The following FAM110A variants were observed in gnomAD, a reference collection of about 807,000 sequenced individuals.
FAM110A encodes the protein protein FAM110A.
A neutral mutation model predicts 4.0 loss-of-function variants in FAM110A; 1 was observed. That is an observed-to-expected ratio of 0.25 (90% CI 0.09 to 1.20). The LOEUF (loss-of-function observed/expected upper bound fraction) is 1.20, where lower values mean the gene tolerates loss of function less well. FAM110A is among the 50% of genes most tolerant of loss of function. The pLI, the probability that FAM110A is intolerant of heterozygous loss-of-function variation, is 0.50. For missense variants in FAM110A, 436 were observed against 429.2 expected (o/e 1.02, Z -0.14); for synonymous variants, 217 against 196.8 (o/e 1.10, Z -0.86).
chr20:836,643 T>C (rs1488735046), intron 1 of FAM110A, among the ~76,000 whole-genome samples: 1 of 152,238 alleles, frequency 6.6e-6, no homozygotes, highest in East Asian at 1.9e-4. Context: ...TTTTGGCTGT[T>C]GTGACTAATG....
At position 834,703 on chromosome 20, in the gene FAM110A, G is replaced by A. The variant is rs1004018820; in HGVS notation, c.-98+752G>A. 6.6e-5 allele frequency among the ~76,000 whole-genome samples: 10 copies of A among 152,164 alleles called. No homozygotes were observed. Among genetic ancestry groups the A allele is most frequent in the African/African-American group, 2.4e-4 (10 of 41,440 alleles). On this transcript the variant is annotated intron_variant, in intron 1 of 1. Coordinates refer to ENST00000381941, the MANE Select transcript of FAM110A (RefSeq NM_001042353.3). The surrounding 1 kb of genome is among the most constrained non-coding windows in gnomAD (Gnocchi z 5.6). ...GTTCTAAGAAGTTAAGCCCCTTTTCGAAGTCACAGTCAGACAATGCAGTGG... is the reference window on the plus strand; with the variant it reads ...GTTCTAAGAAGTTAAGCCCCTTTTCAAAGTCACAGTCAGACAATGCAGTGG...
intron 1 of FAM110A, among the ~76,000 whole-genome samples, chr20:843,282 A>G (rs1167653764): frequency 6.6e-6 from 1 of 151,972 alleles, no homozygotes; most frequent in African/African-American, 2.4e-5. Flanking sequence ...CACCCAGCAG[A>G]GATCCCTGCC....
In FAM110A at chr20:834,813, G is replaced by A. The variant is rs1408924749; in HGVS notation, c.-98+862G>A. ...TTGAGAGTCTTCAATCTCTTCATAA[G>A]GGAGTTACATATCCTCTCTCCTCTG... On this transcript the variant is annotated intron_variant, in intron 1 of 1. Coordinates refer to ENST00000381941, the MANE Select transcript of FAM110A (RefSeq NM_001042353.3). The surrounding 1 kb of genome is among the most constrained non-coding windows in gnomAD (Gnocchi z 5.6). Among the ~76,000 whole-genome samples, 1 of 152,194 alleles carries A rather than the reference G, an allele frequency of 6.6e-6. No homozygotes were observed. Among genetic ancestry groups the A allele is most frequent in the East Asian group, 1.9e-4 (1 of 5,192 alleles).
In FAM110A at chr20:844,731, A is replaced by C; in HGVS notation, c.-74A>C. ...AGCAGTGGCCGGTGTCCAGCTGCCT[A>C]CTTTCTGCCCGGATCTCTGGCTCCT... On this transcript the variant is annotated 5_prime_UTR_variant, in exon 2 of 2. Coordinates refer to ENST00000381941, the MANE Select transcript of FAM110A (RefSeq NM_001042353.3). 3 of 1,324,118 alleles carry C rather than the reference A, an allele frequency of 2.3e-6. No individual in the cohort carries two copies. The highest frequency in any genetic ancestry group is 1.6e-5 in the African/African-American group (1 of 60,922). The allele number at this position is 1,324,118 out of a possible 1,614,324, so 82.0% of individuals were successfully genotyped here. A position where few individuals can be genotyped will look rare whatever the true frequency, so the allele number is the denominator to read the frequency against.
chr20:845,747 C>T lies in FAM110A; in HGVS notation c.*55C>T. The T allele has an allele frequency of 6.8e-6, 11 of 1,605,874 alleles. No homozygotes were observed. The highest frequency in any genetic ancestry group is 8.5e-6 in the Non-Finnish European group (10 of 1,176,442). On this transcript the variant is annotated 3_prime_UTR_variant, in exon 2 of 2. Coordinates refer to ENST00000381941, the MANE Select transcript of FAM110A (RefSeq NM_001042353.3). ...ACGGATCTTACAGAGGCAAGTGGTC[C>T]CTGGACCTCTCTTGCATCCATTCTC...
rs1600016665 is a variant in FAM110A, at chr20:844,688, TTCTC to T, written c.-97-15_-97-12del. The T allele has an allele frequency of 4.6e-6, 6 of 1,291,700 alleles. No individual in the cohort carries two copies. In the South Asian group the frequency reaches 1.2e-4, roughly 27 times the overall value. 80.0% of individuals were successfully genotyped at this position (1,291,700 alleles called of 1,614,324 possible). On this transcript the variant is annotated splice_polypyrimidine_tract_variant and intron_variant, in intron 1 of 1. Coordinates refer to ENST00000381941, the MANE Select transcript of FAM110A (RefSeq NM_001042353.3). ...GAGCGCGCTCGGCTTTTTTTTTTTT[TTCTC>T]TCTCCTTCCCTGCAGCAGTGGCCGG... is the stretch of plus-strand genomic sequence containing the variant.
In FAM110A at chr20:845,548, C is replaced by G; in HGVS notation, c.744C>G (p.Cys248Trp). 2 of 1,613,182 alleles carry G rather than the reference C, an allele frequency of 1.2e-6. No individual in the cohort carries two copies. The highest frequency in any genetic ancestry group is 1.7e-6 in the Non-Finnish European group (2 of 1,179,734). ...SAGPGSSEGG[C>W]SRRSSVTVEE... Reference sequence around the variant, plus strand: ...GGCCGGGCAGCTCTGAAGGGGGCTGCTCCCGCCGCAGCTCGGTGACTGTTG... The same window carrying G: ...GGCCGGGCAGCTCTGAAGGGGGCTGGTCCCGCCGCAGCTCGGTGACTGTTG... Residue 248 changes from cysteine (C) to tryptophan (W), a missense_variant, in exon 2 of 2, where the codon TGC becomes TGG. By Grantham distance (215) the Cys-to-Trp change is radical (BLOSUM62 -2). Transcript: ENST00000381941.
chr20:841,335 G>C (rs965418443), intron 1 of FAM110A: 2 of 152,432 alleles, frequency 1.3e-5, no homozygotes, highest in Admixed American at 6.5e-5. Flanking sequence ...GGACCGCGGC[G>C]GGGGGCGCCC....
rs1367524442 is a variant in FAM110A, at chr20:845,151, G to A, written c.347G>A (p.Ser116Asn). 1 of 1,576,238 alleles carries A rather than the reference G, an allele frequency of 6.3e-7. No individual in the cohort carries two copies. Among genetic ancestry groups the A allele is most frequent in the Middle Eastern group, 1.7e-4 (1 of 5,940 alleles). The change falls in exon 2 of 2, where the codon AGC (serine) becomes AAC (asparagine). Residue 116 changes from serine to asparagine, a missense_variant. By Grantham distance (46) the Ser-to-Asn change is conservative. Coordinates refer to ENST00000381941, the MANE Select transcript of FAM110A (RefSeq NM_001042353.3). The part of the protein sequence containing the change: ...ILSSLIDLCD[S>N]PVSPAEASRT... ...AGCAGCCTCATCGACTTGTGTGACA[G>A]CCCCGTGTCCCCTGCCGAGGCCAGC...
chr20:844,682 T>C (rs2122697170), intron 1 of FAM110A, 26 bp from the exon 2 acceptor site: 2 of 1,301,320 alleles, frequency 1.5e-6, no homozygotes, highest in East Asian at 6.0e-5. Flanking sequence ...CGGCTTTTTT[T>C]TTTTTTTCTC....
chr20:839,605 G>T, intron 1 of FAM110A: 1 of 1,063,044 alleles, frequency 9.4e-7, no homozygotes, highest in Non-Finnish European at 1.5e-6. Context: ...AGTCTTGCAG[G>T]TCGCTTACCC....
rs1429722375 is a variant in FAM110A at position 845,285 on chromosome 20, G to A, written c.481G>A (p.Ala161Thr). The stretch of plus-strand genomic sequence containing the variant: ...CCGGGTGGACGTCCGCCCCCTGCCC[G>A]CCTCGCCTGCCCGGCCCTGCCCATC... ...VRRVDVRPLP[A>T]SPARPCPSPG... The change falls in exon 2 of 2, where the codon GCC becomes ACC. Residue 161 changes from alanine (A) to threonine (T), a missense_variant. Physicochemically the swap from Ala to Thr is moderately conservative, Grantham distance 58 (BLOSUM62 0). Coordinates refer to ENST00000381941, the MANE Select transcript of FAM110A (RefSeq NM_001042353.3). The A allele has an allele frequency of 2.7e-6, 4 of 1,503,828 alleles. No individual in the cohort carries two copies. The highest frequency in any genetic ancestry group is 2.7e-6 in the Non-Finnish European group (3 of 1,129,156). 93.2% of individuals were successfully genotyped at this position (1,503,828 alleles called of 1,614,324 possible).
intron 1 of FAM110A, among the ~76,000 whole-genome samples, chr20:835,790 A>C (rs1215642818): frequency 6.6e-6 from 1 of 152,168 alleles, no homozygotes; most frequent in Non-Finnish European, 1.5e-5. Context: ...GGTGTCCCTG[A>C]CCTGGACAGC....
intron 1 of FAM110A, chr20:836,128 T>G (rs888593436): frequency 9.2e-5 from 14 of 152,136 alleles, no homozygotes; most frequent in African/African-American, 2.4e-4. Flanking sequence ...ATTACTGCTG[T>G]TCTTATTTCC....
At chr20:839,996 CGGGGCT>C in intron 1 of FAM110A, 1 of 1,200,334 alleles carries the variant, frequency 8.3e-7, no homozygotes, top group Non-Finnish European at 1.2e-6. Flanking sequence ...CTGTAGGGTC[CGGGGCT>C]GGGGCTGGAA....
chr20:845,434 C>A lies in FAM110A; in HGVS notation c.630C>A (p.Gly210=), dbSNP rs199921361. 1.2e-6 allele frequency: 2 copies of A among 1,613,768 alleles called. No individual in the cohort carries two copies. The highest frequency in any genetic ancestry group is 2.2e-5 in the East Asian group (1 of 44,862). Residue 210 remains glycine (G), a synonymous_variant, in exon 2 of 2, where the codon GGC becomes GGA. Transcript: ENST00000381941. Reference sequence around the variant, plus strand: ...TCGAGCGCTTTTTTAACTTCTGCGGCCTGGACCCGGAGGAGGCGAGAGGGT... The same window carrying A: ...TCGAGCGCTTTTTTAACTTCTGCGGACTGGACCCGGAGGAGGCGAGAGGGT... The part of the protein sequence containing the change: ...ADLERFFNFC[G]LDPEEARGLG...
chr20:839,955 C>T lies in FAM110A; in HGVS notation c.-97-4753C>T, dbSNP rs1054890297. The T allele has an allele frequency of 1.7e-5, 25 of 1,506,900 alleles. No homozygotes were observed. The African/African-American group carries it at 1.8e-4, about 11-fold the overall frequency. The allele number at this position is 1,506,900 out of a possible 1,614,324, so 93.3% of individuals were successfully genotyped here. Reference sequence around the variant, plus strand: ...AAAAAGGAGTTCATGAATGGCAATCCGGTTCTTCTTAGGCATCAGCATCTT... The same window carrying T: ...AAAAAGGAGTTCATGAATGGCAATCTGGTTCTTCTTAGGCATCAGCATCTT... On this transcript the variant is annotated intron_variant, in intron 1 of 1. Coordinates refer to ENST00000381941, the MANE Select transcript of FAM110A (RefSeq NM_001042353.3).
intron 1 of FAM110A, among the ~76,000 whole-genome samples, chr20:843,876 A>G (rs979833985): frequency 7.2e-5 from 11 of 152,212 alleles, no homozygotes; most frequent in Non-Finnish European, 4.4e-5. Flanking sequence ...GCCTCCATGC[A>G]GGGCTGTGTG....
intron 1 of FAM110A, among the ~76,000 whole-genome samples, chr20:842,651 A>G (rs1433263412): frequency 6.6e-6 from 1 of 152,130 alleles, no homozygotes; most frequent in Non-Finnish European, 1.5e-5. Flanking sequence ...TGGGGGCCAG[A>G]TGGAGGAGGA....
Sources: allele counts gnomAD v4.1 joint callset (sites outside exome capture counted in the v4.1 genomes callset), GRCh38; gene constraint gnomAD v4.1.1; non-coding constraint Gnocchi (gnomAD v3.1); transcripts MANE v1.5; gene names NCBI Gene and HGNC (gene_info 2026-07-23, HGNC 2026-07-21).